HTR1E: variants seen among roughly 807,000 people sequenced by gnomAD.
The protein encoded by HTR1E is 5-hydroxytryptamine receptor 1E.
HTR1E carries 3 observed loss-of-function variants against 3.4 expected under a neutral mutation model. The ratio of observed to expected loss-of-function variants is 0.89; its 90% CI spans 0.41 to 2.31. HTR1E has a LOEUF of 2.31. Among genes scored for constraint, HTR1E ranks in the 30% most tolerant of loss-of-function variants. HTR1E has a pLI of 0.05. For synonymous variants in HTR1E, 170 were observed against 182.8 expected (o/e 0.93, Z 0.56); for missense variants, 392 against 467.0 (o/e 0.84, Z 1.48).
At chr6:86,996,577 T>C (rs1052326353) in intron 1 of HTR1E, among the ~76,000 whole-genome samples, 7 of 152,042 alleles carry the variant, frequency 4.6e-5, no homozygotes, top group Non-Finnish European at 1.0e-4. Flanking sequence ...TCAGGGAATA[T>C]CATTACAGGC....
intron 1 of HTR1E, among the ~76,000 whole-genome samples, chr6:87,014,862 G>A (rs566279150): frequency 1.3e-5 from 2 of 152,186 alleles, no homozygotes; most frequent in Admixed American, 1.3e-4. Flanking sequence ...TAGATGATTG[G>A]TTGTTGGGTG....
intron 1 of HTR1E, among the ~76,000 whole-genome samples, chr6:87,010,164 G>A (rs1030655139): frequency 8.0e-6 from 1 of 124,772 alleles, no homozygotes; most frequent in Non-Finnish European, 1.7e-5. Context: ...CCTCCCGGAC[G>A]GGGCGGCTGG....
intron 1 of HTR1E, among the ~76,000 whole-genome samples, chr6:87,007,256 G>A (rs1231360354): frequency 6.6e-6 from 1 of 152,136 alleles, no homozygotes; most frequent in Non-Finnish European, 1.5e-5. Context: ...TCACTTATTT[G>A]TAGGAGCTAA....
intron 1 of HTR1E, among the ~76,000 whole-genome samples, chr6:87,001,188 A>G (rs1768018713): frequency 6.6e-6 from 1 of 152,206 alleles, no homozygotes; most frequent in Non-Finnish European, 1.5e-5. Context: ...CATAAAATTA[A>G]AACATACCAC....
At chr6:86,955,963 C>T (rs1284234718) in intron 1 of HTR1E, among the ~76,000 whole-genome samples, 1 of 152,000 alleles carries the variant, frequency 6.6e-6, no homozygotes, top group Non-Finnish European at 1.5e-5. Flanking sequence ...CTAGTTCAGG[C>T]CATGATGGGA....
intron 1 of HTR1E, among the ~76,000 whole-genome samples, chr6:86,951,204 C>G (rs1328330787): frequency 1.3e-5 from 2 of 152,152 alleles, no homozygotes; most frequent in Non-Finnish European, 1.5e-5. Flanking sequence ...ATCACTAATA[C>G]GGATAATTTC....
At position 87,015,991 on chromosome 6, in the gene HTR1E, T is replaced by G; in HGVS notation, c.657T>G (p.Ser219Arg). ...GCCTTTACCAGAAAAGGGGATCAAG[T>G]CGGCACTTAAGCAACAGAAGCACAG... is the stretch of plus-strand genomic sequence containing the variant. ...AKSLYQKRGSSRHLSNRSTDS... is the reference protein window; with the variant it reads ...AKSLYQKRGSRRHLSNRSTDS... Residue 219 changes from serine (S) to arginine (R), a missense_variant, in exon 2 of 2, where the codon AGT becomes AGG. Physicochemically the swap from Ser to Arg is moderately radical, Grantham distance 110. Coordinates refer to ENST00000305344, the MANE Select transcript of HTR1E (RefSeq NM_000865.3). 6.2e-7 allele frequency: 1 copy of G among 1,614,236 alleles called. No homozygotes were observed. Among genetic ancestry groups the G allele is most frequent in the Non-Finnish European group, 8.5e-7 (1 of 1,180,046 alleles).
At chr6:87,009,913 G>A (rs1440041516) in intron 1 of HTR1E, among the ~76,000 whole-genome samples, 1 of 126,222 alleles carries the variant, frequency 7.9e-6, no homozygotes, top group African/African-American at 3.3e-5. Flanking sequence ...CCCGGACGGG[G>A]CGGCTGGCCG....
chr6:87,006,103 A>G (rs1463054898), intron 1 of HTR1E, among the ~76,000 whole-genome samples: 1 of 152,234 alleles, frequency 6.6e-6, no homozygotes, highest in Admixed American at 6.5e-5. Context: ...AGAATTGGAG[A>G]AAATGGAATC....
chr6:86,952,313 G>A (rs988054990), intron 1 of HTR1E, among the ~76,000 whole-genome samples: 4 of 152,078 alleles, frequency 2.6e-5, no homozygotes, highest in Non-Finnish European at 4.4e-5. Context: ...TAGAAAAAAA[G>A]GGAGTTTGGC....
chr6:87,010,468 CG>C (rs1768205307), intron 1 of HTR1E, among the ~76,000 whole-genome samples: 2 of 149,614 alleles, frequency 1.3e-5, no homozygotes, highest in African/African-American at 4.9e-5. Flanking sequence ...ACCTCCCAGA[CG>C]GGGTCTCGGC....
rs941571510 is a variant in HTR1E at position 87,016,494 on chromosome 6, G to T, written c.*62G>T. ...CCTCATGAGTGGATGGGGGTAAGGG[G>T]TGCAACTTATTAATTCTTGAACATA... On this transcript the variant is annotated 3_prime_UTR_variant, in exon 2 of 2. Transcript: ENST00000305344. The T allele has an allele frequency of 5.1e-6, 7 of 1,385,396 alleles. No homozygotes were observed. Among genetic ancestry groups the T allele is most frequent in the Admixed American group, 2.2e-5 (1 of 44,798 alleles). 85.8% of individuals were successfully genotyped at this position (1,385,396 alleles called of 1,614,324 possible). A position where few individuals can be genotyped will look rare whatever the true frequency, so the allele number is the denominator to read the frequency against.
intron 1 of HTR1E, among the ~76,000 whole-genome samples, chr6:86,968,024 A>G (rs1425468584): frequency 6.8e-6 from 1 of 146,578 alleles, no homozygotes; most frequent in African/African-American, 2.6e-5. Context: ...TTGCATATCA[A>G]TCGAGATAAT....
intron 1 of HTR1E, among the ~76,000 whole-genome samples, chr6:86,981,632 G>A (rs1767712540): frequency 6.6e-6 from 1 of 152,206 alleles, no homozygotes; most frequent in South Asian, 2.1e-4. Flanking sequence ...CATGCCAGCT[G>A]TCACATGGGT....
intron 1 of HTR1E, among the ~76,000 whole-genome samples, chr6:86,938,292 C>T (rs1768498694): frequency 6.6e-6 from 1 of 152,134 alleles, no homozygotes; most frequent in African/African-American, 2.4e-5. Context: ...ACTGTTGCTC[C>T]AGCCCTCAGA....
At chr6:87,005,619 C>G (rs1301542646) in intron 1 of HTR1E, among the ~76,000 whole-genome samples, 3 of 152,124 alleles carry the variant, frequency 2.0e-5, no homozygotes, top group Non-Finnish European at 4.4e-5. Context: ...AAATCTAAGA[C>G]CTCAAACTAT....
chr6:87,000,741 A>T (rs1768010227), intron 1 of HTR1E, among the ~76,000 whole-genome samples: 7 of 152,256 alleles, frequency 4.6e-5, no homozygotes, highest in Admixed American at 4.6e-4. Flanking sequence ...GTCCTGCAAG[A>T]AATGCAAAGG....
At chr6:86,985,800 A>G (rs1767776954) in intron 1 of HTR1E, among the ~76,000 whole-genome samples, 1 of 152,202 alleles carries the variant, frequency 6.6e-6, no homozygotes, top group Non-Finnish European at 1.5e-5. Flanking sequence ...TGGAGAACTG[A>G]ATAAAATTCA....
chr6:87,005,869 G>A (rs1768099831), intron 1 of HTR1E, among the ~76,000 whole-genome samples: 1 of 152,002 alleles, frequency 6.6e-6, no homozygotes, highest in African/African-American at 2.4e-5. Context: ...AATATATAAG[G>A]AGCTCAAACA....
Sources: gnomAD v4.1 joint callset for allele counts (sites outside exome capture counted in the v4.1 genomes callset) on GRCh38, gnomAD v4.1.1 for gene constraint, MANE v1.5 for transcripts, NCBI Gene and HGNC (gene_info 2026-07-23, HGNC 2026-07-21) for gene names.